The following NOL4L variants were observed in gnomAD, a reference collection of about 807,000 sequenced individuals.
NOL4L encodes the protein nucleolar protein 4-like.
NOL4L carries 7 observed loss-of-function variants against 64.5 expected under a neutral mutation model. That is an observed-to-expected ratio of 0.11 (90% CI 0.06 to 0.20). The LOEUF is 0.20. Ranked by LOEUF, NOL4L falls within the 10% of genes least tolerant of loss-of-function variation. The pLI is 1.00. For missense variants in NOL4L, 680 were observed against 967.1 expected, an observed-to-expected ratio of 0.70 and a Z score of 3.94; for synonymous variants, 413 against 401.0, an observed-to-expected ratio of 1.03 and a Z score of -0.36.
At chr20:32,580,014 G>A (rs1300623494) in intron 1 of NOL4L, among the ~76,000 whole-genome samples, 1 of 152,204 alleles carries the variant, frequency 6.6e-6, no homozygotes, top group African/African-American at 2.4e-5. Flanking sequence ...TGACCAGAGG[G>A]ATGCTTTGAA....
At chr20:32,455,243 C>G (rs542469568) in intron 6 of NOL4L, among the ~76,000 whole-genome samples, 1 of 152,264 alleles carries the variant, frequency 6.6e-6, no homozygotes, top group East Asian at 1.9e-4. Context: ...ACACAACTCA[C>G]CCCCTTCATG....
chr20:32,580,692 G>C (rs1980410331), intron 1 of NOL4L, among the ~76,000 whole-genome samples: 1 of 152,200 alleles, frequency 6.6e-6, no homozygotes, highest in Non-Finnish European at 1.5e-5. Context: ...AGTGCACAGA[G>C]AACCCTGTTC....
At chr20:32,576,267 A>C (rs6119908) in intron 1 of NOL4L, among the ~76,000 whole-genome samples, 32,015 of 152,006 alleles carry the variant, frequency 0.21, 6,446 homozygotes, top group African/African-American at 0.53. Flanking sequence ...GGCCCCGGGG[A>C]GAGGCAGCCA....
At chr20:32,468,986 C>T (rs1337748053) in intron 5 of NOL4L, among the ~76,000 whole-genome samples, 5 of 151,894 alleles carry the variant, frequency 3.3e-5, no homozygotes, top group Admixed American at 1.3e-4. Context: ...AAAACGCTGG[C>T]TCTGGAGAGA....
chr20:32,571,186 T>TTTTG (rs972637516), intron 1 of NOL4L, among the ~76,000 whole-genome samples: 7 of 152,088 alleles, frequency 4.6e-5, no homozygotes, highest in Non-Finnish European at 1.0e-4. Context: ...GTGGGGGTTT[T>TTTTG]TTTGTTTGTT....
intron 3 of NOL4L, among the ~76,000 whole-genome samples, chr20:32,519,020 C>A (rs1299469865): frequency 3.3e-5 from 5 of 152,212 alleles, no homozygotes. Context: ...ATCTTGTCAG[C>A]CTTCTGATTA....
intron 5 of NOL4L, among the ~76,000 whole-genome samples, chr20:32,462,903 TAAAAAAA>T (rs564168973): frequency 1.3e-5 from 1 of 76,668 alleles, no homozygotes; most frequent in South Asian, 5.2e-4. Context: ...GACTCTGTCT[TAAAAAAA>T]AAAAAAAAAA....
chr20:32,488,882 T>TCTTTCTTTCTTTC (rs1555796796), intron 4 of NOL4L, among the ~76,000 whole-genome samples: 2 of 129,606 alleles, frequency 1.5e-5, no homozygotes, highest in South Asian at 2.5e-4. Context: ...TTTCTTTCTT[T>TCTTTCTTTCTTTC]CTTTCTTTCT....
chr20:32,537,699 C>CCG (rs1391913869), intron 1 of NOL4L, among the ~76,000 whole-genome samples: 1 of 152,086 alleles, frequency 6.6e-6, no homozygotes, highest in Non-Finnish European at 1.5e-5. Context: ...GTCCCAGCAT[C>CCG]GTGAGTAGCT....
intron 5 of NOL4L, among the ~76,000 whole-genome samples, chr20:32,472,959 A>T (rs559693091): frequency 4.6e-4 from 70 of 152,212 alleles, no homozygotes; most frequent in African/African-American, 1.6e-3. Context: ...CCTCATGGCC[A>T]GGCCAGCCAG....
rs1040290757 is a variant in NOL4L at position 32,447,677 on chromosome 20, G to A, written c.1962C>T (p.Leu654=). ...SPTEISAVRQ[L]IAGYRESAAF... ...CAGCAGACTCCCGGTAGCCCGCGATGAGCTGCCGCACGGCGCTGATCTCCG... is the reference window on the plus strand; with the variant it reads ...CAGCAGACTCCCGGTAGCCCGCGATAAGCTGCCGCACGGCGCTGATCTCCG... The change falls in exon 11 of 11, where the codon CTC becomes CTT. Residue 654 remains leucine (L), a synonymous_variant. Transcript: ENST00000621426. The A allele has an allele frequency of 9.9e-6, 16 of 1,612,630 alleles. No homozygotes were observed. The highest frequency in any genetic ancestry group is 2.2e-5 in the East Asian group (1 of 44,870).
Position 32,453,541 on chromosome 20 carries a change from C to T in NOL4L, c.1305+35G>A, listed in dbSNP as rs373506839. 2 of 1,613,580 alleles carry T rather than the reference C, an allele frequency of 1.2e-6. No individual in the cohort carries two copies. The highest frequency in any genetic ancestry group is 1.7e-6 in the Non-Finnish European group (2 of 1,179,480). On this transcript the variant is annotated intron_variant, in intron 7 of 10. Coordinates refer to ENST00000621426, the MANE Select transcript of NOL4L (RefSeq NM_001256798.2). This position sits in a 1 kb window ranked among gnomAD's most constrained non-coding sequence, Gnocchi z 5.6. ...GGAAGGGCTGGCCCTGGCCTTGCCC[C>T]CATCCCACCCCACCTGTTTCCGGCC...
At chr20:32,494,511 G>A (rs1035805756) in intron 4 of NOL4L, among the ~76,000 whole-genome samples, 2 of 151,954 alleles carry the variant, frequency 1.3e-5, no homozygotes, top group Admixed American at 6.6e-5. Context: ...CCAAGCCTTC[G>A]GCATCTTAAC....
At chr20:32,542,816 C>T (rs2018676641) in intron 1 of NOL4L, among the ~76,000 whole-genome samples, 1 of 152,208 alleles carries the variant, frequency 6.6e-6, no homozygotes, top group Non-Finnish European at 1.5e-5. Flanking sequence ...TAAGTCATTG[C>T]CGTGATTCAT....
At chr20:32,503,985 C>G (rs1444875537) in intron 4 of NOL4L, among the ~76,000 whole-genome samples, 2 of 152,090 alleles carry the variant, frequency 1.3e-5, no homozygotes, top group Admixed American at 1.3e-4. Context: ...TTTTATGATA[C>G]TGTGTAATGA....
At chr20:32,540,880 G>A (rs762504193) in intron 1 of NOL4L, among the ~76,000 whole-genome samples, 2 of 151,952 alleles carry the variant, frequency 1.3e-5, no homozygotes, top group Non-Finnish European at 1.5e-5. Context: ...GTCCCCAGCA[G>A]CTGGGGTCAT....
chr20:32,579,891 G>A (rs1400089931), intron 1 of NOL4L, among the ~76,000 whole-genome samples: 1 of 151,888 alleles, frequency 6.6e-6, no homozygotes, highest in South Asian at 2.1e-4. Context: ...GGACAACAGA[G>A]GCATCCTCCC....
In NOL4L at chr20:32,446,269, T is replaced by TTTTC. The variant is rs1424154818; in HGVS notation, c.*1323_*1326dup. The TTTTC allele has an allele frequency of 1.0e-4, 16 of 152,426 alleles. No individual in the cohort carries two copies. The highest frequency in any genetic ancestry group is 9.8e-4 in the Admixed American group (15 of 15,292). The allele number at this position is 152,426 out of a possible 1,614,324, so 9.4% of individuals were successfully genotyped here. A position where few individuals can be genotyped will look rare whatever the true frequency, so the allele number is the denominator to read the frequency against. On this transcript the variant is annotated 3_prime_UTR_variant, in exon 11 of 11. Transcript: ENST00000621426. ...AGGGAGGAAGGAAACCAGGCCAGCT[T>TTTTC]TTTCTTTTTGCCCTTTTTCACACTC...
intron 4 of NOL4L, among the ~76,000 whole-genome samples, chr20:32,488,429 G>C (rs4911094): frequency 0.06 from 9,084 of 152,264 alleles, 387 homozygotes; most frequent in Non-Finnish European, 0.088. Flanking sequence ...TTTCCCCAGA[G>C]GGAGTACTTG....
Sources: allele counts gnomAD v4.1 joint callset (sites outside exome capture counted in the v4.1 genomes callset), GRCh38; gene constraint gnomAD v4.1.1; non-coding constraint Gnocchi (gnomAD v3.1); transcripts MANE v1.5; gene names NCBI Gene and HGNC (gene_info 2026-07-23, HGNC 2026-07-21).